ZNF267: variants seen among roughly 807,000 people sequenced by gnomAD.
The protein encoded by ZNF267 is zinc finger (C2H2).
ZNF267 carries 61 observed loss-of-function variants against 71.6 expected under a neutral mutation model. That is an observed-to-expected ratio of 0.85 (90% CI 0.69 to 1.05). The LOEUF (loss-of-function observed/expected upper bound fraction) is 1.05. ZNF267 is among the 50% of genes least tolerant of loss of function. ZNF267 has a pLI of 0.00. For missense variants in ZNF267, 852 were observed against 870.0 expected, an observed-to-expected ratio of 0.98 and a Z score of 0.26; for synonymous variants, 288 against 293.2, an observed-to-expected ratio of 0.98 and a Z score of 0.18.
At chr16:31,888,712 G>A (rs1435889660) in intron 3 of ZNF267, among the ~76,000 whole-genome samples, 1 of 151,542 alleles carries the variant, frequency 6.6e-6, no homozygotes, top group Non-Finnish European at 1.5e-5. Flanking sequence ...TTTGAATTTG[G>A]TATCTAGTAT....
chr16:31,915,596 A>G lies in ZNF267; in HGVS notation c.1347A>G (p.Ser449=). The G allele has an allele frequency of 6.2e-7, 1 of 1,613,754 alleles. No individual in the cohort carries two copies. The highest frequency in any genetic ancestry group is 8.5e-7 in the Non-Finnish European group (1 of 1,179,956). The part of the protein sequence containing the change: ...KECGKAFNRS[S]CLTQHQTTHT... The stretch of plus-strand genomic sequence containing the variant: ...GTGGAAAAGCTTTTAACCGTAGTTC[A>G]TGCCTTACTCAACATCAGACAACTC... Residue 449 remains serine, a synonymous_variant, in exon 4 of 4, where the codon TCA becomes TCG. Coordinates refer to ENST00000300870, the MANE Select transcript of ZNF267 (RefSeq NM_003414.6).
In ZNF267 at chr16:31,883,067, T is replaced by G. The variant is rs147094537; in HGVS notation, c.4-1431T>G. On this transcript the variant is annotated intron_variant, in intron 1 of 3. Transcript: ENST00000300870. ...GAAGCAGGTCTCAGTTCTGTAGGTTTCCATTTTATTTCATCTCATGTCACA... is the reference window on the plus strand; with the variant it reads ...GAAGCAGGTCTCAGTTCTGTAGGTTGCCATTTTATTTCATCTCATGTCACA... Among the ~76,000 whole-genome samples, 194 of 152,352 alleles carry G rather than the reference T, an allele frequency of 1.3e-3. 1 individual carries two copies. In the Middle Eastern group the frequency reaches 0.017, roughly 13 times the overall value.
intron 3 of ZNF267, among the ~76,000 whole-genome samples, chr16:31,905,190 C>T (rs1476814448): frequency 6.6e-6 from 1 of 152,176 alleles, no homozygotes; most frequent in Non-Finnish European, 1.5e-5. Context: ...TGTGGGTAAC[C>T]TGACCTTTCT....
intron 3 of ZNF267, among the ~76,000 whole-genome samples, chr16:31,897,152 C>CAA (rs200961055): frequency 5.3e-5 from 6 of 113,230 alleles, no homozygotes; most frequent in East Asian, 2.7e-4. Flanking sequence ...CAAAACAAAA[C>CAA]AAAACAAAAA....
chr16:31,886,129 A>G (rs1447374462), intron 3 of ZNF267, among the ~76,000 whole-genome samples: 1 of 152,118 alleles, frequency 6.6e-6, no homozygotes, highest in Non-Finnish European at 1.5e-5. Flanking sequence ...CCACAATATA[A>G]ATATTATCTA....
At chr16:31,890,339 T>C (rs2142339723) in intron 3 of ZNF267, 1 of 152,356 alleles carries the variant, frequency 6.6e-6, no homozygotes, top group African/African-American at 2.4e-5. Context: ...ACAAATTAAC[T>C]TCTTTATCAT....
intron 3 of ZNF267, among the ~76,000 whole-genome samples, chr16:31,895,383 T>C (rs1462716030): frequency 6.6e-6 from 1 of 152,232 alleles, no homozygotes; most frequent in Non-Finnish European, 1.5e-5. Flanking sequence ...ACACTTGAAT[T>C]GGTTTTATAT....
intron 3 of ZNF267, among the ~76,000 whole-genome samples, chr16:31,889,002 G>T (rs1422753687): frequency 6.6e-6 from 1 of 151,640 alleles, no homozygotes; most frequent in African/African-American, 2.4e-5. Flanking sequence ...AGTCTTTTGG[G>T]TATTTCTGTT....
At chr16:31,881,810 G>A (rs558432932) in intron 1 of ZNF267, among the ~76,000 whole-genome samples, 12 of 151,922 alleles carry the variant, frequency 7.9e-5, no homozygotes, top group African/African-American at 2.7e-4. Context: ...GGGATTATAG[G>A]TGTGCCACCA....
intron 3 of ZNF267, among the ~76,000 whole-genome samples, chr16:31,906,851 A>T (rs559636975): frequency 1.1e-4 from 17 of 151,114 alleles, no homozygotes; most frequent in East Asian, 5.9e-4. Flanking sequence ...TGCAGAAATC[A>T]CCCGTCTTCT....
chr16:31,893,511 G>C (rs2083975589), intron 3 of ZNF267, among the ~76,000 whole-genome samples: 1 of 152,204 alleles, frequency 6.6e-6, no homozygotes, highest in African/African-American at 2.4e-5. Context: ...CGCATTGTTA[G>C]GCTGCAAATT....
chr16:31,912,553 T>G (rs2084143220), intron 3 of ZNF267: 1 of 151,720 alleles, frequency 6.6e-6, no homozygotes, highest in South Asian at 2.1e-4. Flanking sequence ...TTCTGTAACC[T>G]GGTTGTACTT....
intron 1 of ZNF267, among the ~76,000 whole-genome samples, chr16:31,881,125 A>G (rs543827123): frequency 6.6e-6 from 1 of 152,336 alleles, no homozygotes; most frequent in East Asian, 1.9e-4. Flanking sequence ...AGCTACTAAT[A>G]TAATTTTCGT....
At chr16:31,875,358 TCTC>T (rs1249269267) in intron 1 of ZNF267, 21 of 1,259,458 alleles carry the variant, frequency 1.7e-5, no homozygotes, top group Non-Finnish European at 2.0e-5. Flanking sequence ...CTGAGAGAAA[TCTC>T]CTGGGACACC....
intron 3 of ZNF267, among the ~76,000 whole-genome samples, chr16:31,902,990 G>T (rs900115976): frequency 2.0e-5 from 3 of 152,146 alleles, no homozygotes; most frequent in Non-Finnish European, 4.4e-5. Context: ...AGAGTTTTTA[G>T]CATGAAGCGT....
intron 1 of ZNF267, among the ~76,000 whole-genome samples, chr16:31,883,946 G>A (rs2083907010): frequency 6.6e-6 from 1 of 152,242 alleles, no homozygotes; most frequent in Non-Finnish European, 1.5e-5. Context: ...GGCTGAAACA[G>A]GAGGATCGCC....
At chr16:31,892,003 A>C (rs1270978084) in intron 3 of ZNF267, among the ~76,000 whole-genome samples, 1 of 152,212 alleles carries the variant, frequency 6.6e-6, no homozygotes, top group Non-Finnish European at 1.5e-5. Context: ...GTTTTGACCA[A>C]AATGCTGATA....
intron 1 of ZNF267, among the ~76,000 whole-genome samples, chr16:31,880,573 TCA>T (rs1199683781): frequency 2.0e-5 from 3 of 152,194 alleles, no homozygotes; most frequent in Non-Finnish European, 4.4e-5. Flanking sequence ...TGGGTTTTCA[TCA>T]CACAGTTACC....
At chr16:31,877,182 G>A (rs997418517) in intron 1 of ZNF267, among the ~76,000 whole-genome samples, 1 of 151,706 alleles carries the variant, frequency 6.6e-6, no homozygotes, top group Non-Finnish European at 1.5e-5. Flanking sequence ...TGTGTGGCAC[G>A]CAGAGTCTCA....
Sources: gnomAD v4.1 joint callset for allele counts (sites outside exome capture counted in the v4.1 genomes callset) on GRCh38, gnomAD v4.1.1 for gene constraint, MANE v1.5 for transcripts, NCBI Gene and HGNC (gene_info 2026-07-23, HGNC 2026-07-21) for gene names.